EPHA6: variants seen among roughly 807,000 people sequenced by gnomAD.
EPHA6 encodes the protein ephrin type-A receptor 6.
EPHA6 carries 50 observed loss-of-function variants against 112.0 expected under a neutral mutation model. The ratio of observed to expected loss-of-function variants is 0.45; its 90% CI spans 0.36 to 0.56. The LOEUF is 0.56. Ranked by LOEUF, EPHA6 falls within the 20% of genes least tolerant of loss-of-function variation. EPHA6 has a pLI of 0.00. For missense variants in EPHA6, 1,280 were observed against 1,417.4 expected, an observed-to-expected ratio of 0.90 and a Z score of 1.56; for synonymous variants, 529 against 490.7, an observed-to-expected ratio of 1.08 and a Z score of -1.03.
At position 97,751,290 on chromosome 3, in the gene EPHA6, A is replaced by C. The variant is rs2035894780; in HGVS notation, c.*2589A>C. Among the ~76,000 whole-genome samples, 1 of 152,104 alleles carries C rather than the reference A, an allele frequency of 6.6e-6. No individual in the cohort carries two copies. Among genetic ancestry groups the C allele is most frequent in the South Asian group, 2.1e-4 (1 of 4,824 alleles). On this transcript the variant is annotated 3_prime_UTR_variant, in exon 18 of 18. Transcript: ENST00000389672. The stretch of plus-strand genomic sequence containing the variant: ...TTAAAATGTCTGATGATCCTATTCT[A>C]CATCTGGTTAATTTGTACTTATTTT...
chr3:96,941,099 G>A (rs950862353), intron 2 of EPHA6, among the ~76,000 whole-genome samples: 4 of 152,206 alleles, frequency 2.6e-5, no homozygotes, highest in Admixed American at 6.5e-5. Context: ...TTCTCGAGGA[G>A]TATCTTTGTG....
Position 96,866,847 on chromosome 3 carries a change from T to C in EPHA6, c.408T>C (p.Thr136=), listed in dbSNP as rs1380086532. 6.1e-6 allele frequency: 9 copies of C among 1,487,154 alleles called. No homozygotes were observed. The highest frequency in any genetic ancestry group is 8.1e-6 in the Non-Finnish European group (9 of 1,115,678). 92.1% of individuals were successfully genotyped at this position (1,487,154 alleles called of 1,614,324 possible). A position where few individuals can be genotyped will look rare whatever the true frequency, so the allele number is the denominator to read the frequency against. ...CAGTTGTGTTGCTTGATACAACAACTGTACTGGGAGAGCTAGGATGGAAAA... is the reference window on the plus strand; with the variant it reads ...CAGTTGTGTTGCTTGATACAACAACCGTACTGGGAGAGCTAGGATGGAAAA... The part of the protein sequence containing the change: ...NNQVVLLDTT[T]VLGELGWKTY... Residue 136 remains threonine, a synonymous_variant, in exon 2 of 18, where the codon ACT becomes ACC. Transcript: ENST00000389672.
At position 97,597,615 on chromosome 3, in the gene EPHA6, A is replaced by G. The variant is rs572278902; in HGVS notation, c.2512+4878A>G. 1.2e-4 allele frequency among the ~76,000 whole-genome samples: 19 copies of G among 152,346 alleles called. No homozygotes were observed. The South Asian group carries it at 3.9e-3, about 32-fold the overall frequency. On this transcript the variant is annotated intron_variant, in intron 12 of 17. Transcript: ENST00000389672. ...ACATATCCAATAATGTCATTTCTAT[A>G]GCAAAGGACATACAGTCCTCAGCCA...
intron 14 of EPHA6, among the ~76,000 whole-genome samples, chr3:97,714,328 A>G (rs892366379): frequency 6.6e-6 from 1 of 152,238 alleles, no homozygotes; most frequent in Non-Finnish European, 1.5e-5. Flanking sequence ...AAGCCAAAAT[A>G]TGAGAAGTTT....
intron 2 of EPHA6, among the ~76,000 whole-genome samples, chr3:96,976,850 A>T (rs1203046722): frequency 2.6e-5 from 4 of 152,166 alleles, no homozygotes; most frequent in Non-Finnish European, 4.4e-5. Flanking sequence ...TACTTTTAGG[A>T]GCTTCACAGA....
At chr3:97,445,613 A>G (rs2090315415) in intron 6 of EPHA6, among the ~76,000 whole-genome samples, 1 of 152,070 alleles carries the variant, frequency 6.6e-6, no homozygotes, top group Non-Finnish European at 1.5e-5. Context: ...TTAAGCATGA[A>G]GCATAAGAAG....
intron 3 of EPHA6, among the ~76,000 whole-genome samples, chr3:97,217,394 G>A (rs1340835707): frequency 6.6e-6 from 1 of 152,026 alleles, no homozygotes; most frequent in African/African-American, 2.4e-5. Flanking sequence ...AAAGACATGG[G>A]ACAAATGCAA....
At chr3:96,919,988 T>C (rs529463889) in intron 2 of EPHA6, among the ~76,000 whole-genome samples, 7 of 151,902 alleles carry the variant, frequency 4.6e-5, no homozygotes, top group African/African-American at 1.4e-4. Context: ...ACCATATGCT[T>C]CTAGGACAAA....
chr3:97,415,019 G>A (rs1212457152), intron 6 of EPHA6, among the ~76,000 whole-genome samples: 1 of 151,946 alleles, frequency 6.6e-6, no homozygotes, highest in East Asian at 1.9e-4. Flanking sequence ...GTCACTCTGG[G>A]GAAAACAGAG....
In EPHA6 at chr3:97,485,899, C is replaced by A. The variant is rs140662481; in HGVS notation, c.2200+1840C>A. Among the ~76,000 whole-genome samples, 625 of 152,304 alleles carry A rather than the reference C, an allele frequency of 4.1e-3. 4 individuals are homozygous for A. The highest frequency in any genetic ancestry group is 0.014 in the African/African-American group (568 of 41,582). On this transcript the variant is annotated intron_variant, in intron 10 of 17. Transcript: ENST00000389672. ...CACATAGATACAGGAGAAGCATTTTCTGTTTTAGCCCTTTGTGCTACAGCA... is the reference window on the plus strand; with the variant it reads ...CACATAGATACAGGAGAAGCATTTTATGTTTTAGCCCTTTGTGCTACAGCA...
At chr3:97,685,621 T>G (rs2032189181) in intron 14 of EPHA6, among the ~76,000 whole-genome samples, 1 of 152,172 alleles carries the variant, frequency 6.6e-6, no homozygotes, top group Non-Finnish European at 1.5e-5. Flanking sequence ...CACTGACTCT[T>G]AAAAACTTTG....
At chr3:97,403,265 C>A (rs2087111236) in intron 5 of EPHA6, among the ~76,000 whole-genome samples, 2 of 152,022 alleles carry the variant, frequency 1.3e-5, no homozygotes, top group South Asian at 2.1e-4. Context: ...AAAAGTTTTT[C>A]TTATTTAATT....
chr3:97,288,673 C>G (rs901574373), intron 5 of EPHA6, among the ~76,000 whole-genome samples: 1 of 152,154 alleles, frequency 6.6e-6, no homozygotes, highest in Non-Finnish European at 1.5e-5. Context: ...AGTGGCTGAA[C>G]TAATTTACAT....
At chr3:97,674,117 A>C (rs1389747056) in intron 14 of EPHA6, among the ~76,000 whole-genome samples, 1 of 152,234 alleles carries the variant, frequency 6.6e-6, no homozygotes, top group African/African-American at 2.4e-5. Context: ...ATGATTAGGT[A>C]GTGATTCATT....
intron 3 of EPHA6, among the ~76,000 whole-genome samples, chr3:96,993,380 T>A (rs2043287574): frequency 6.6e-6 from 1 of 151,696 alleles, no homozygotes; most frequent in African/African-American, 2.4e-5. Context: ...CACTGCAACT[T>A]CCGCCTCCTG....
intron 3 of EPHA6, among the ~76,000 whole-genome samples, chr3:97,201,452 A>G (rs1277265344): frequency 6.6e-6 from 1 of 152,102 alleles, no homozygotes; most frequent in East Asian, 1.9e-4. Flanking sequence ...TTGTACTAAA[A>G]CTTGAATTCT....
At chr3:96,980,391 G>T (rs1476154308) in intron 2 of EPHA6, among the ~76,000 whole-genome samples, 2 of 152,226 alleles carry the variant, frequency 1.3e-5, no homozygotes, top group African/African-American at 4.8e-5. Flanking sequence ...TGAGGGGTCT[G>T]TTCTGTTCCA....
At chr3:97,529,701 C>T (rs950633041) in intron 10 of EPHA6, among the ~76,000 whole-genome samples, 3 of 152,104 alleles carry the variant, frequency 2.0e-5, no homozygotes, top group South Asian at 4.2e-4. Context: ...AGTTTTAATA[C>T]ATTCTGTTAC....
intron 3 of EPHA6, among the ~76,000 whole-genome samples, chr3:97,159,763 G>A (rs2108396037): frequency 6.6e-6 from 1 of 152,310 alleles, no homozygotes; most frequent in Non-Finnish European, 1.5e-5. Context: ...TTTGCTGAGT[G>A]AGTTTTTGGT....
Sources: allele counts gnomAD v4.1 joint callset (sites outside exome capture counted in the v4.1 genomes callset), GRCh38; gene constraint gnomAD v4.1.1; transcripts MANE v1.5; gene names NCBI Gene and HGNC (gene_info 2026-07-23, HGNC 2026-07-21).